The following DGKB variants were observed in gnomAD, a reference collection of about 807,000 sequenced individuals.
The protein encoded by DGKB is 90 kDa diacylglycerol kinase.
In DGKB, 67 loss-of-function variants were observed where a neutral mutation model predicts 114.3. That is an observed-to-expected ratio of 0.59 (90% confidence interval 0.48 to 0.72). The LOEUF (loss-of-function observed/expected upper bound fraction) is 0.72. Ranked by LOEUF, DGKB falls within the 30% of genes least tolerant of loss-of-function variation. DGKB has a pLI of 0.00. For missense variants in DGKB, 907 were observed against 975.2 expected (o/e 0.93, Z 0.93); for synonymous variants, 398 against 323.1 (o/e 1.23, Z -2.49).
intron 20 of DGKB, among the ~76,000 whole-genome samples, chr7:14,478,803 GA>G (rs71004303): frequency 2.6e-4 from 39 of 149,454 alleles, no homozygotes; most frequent in Non-Finnish European, 4.0e-4. Flanking sequence ...TCGTTGAATA[GA>G]AAAAAAAAAC....
At position 14,841,322 on chromosome 7, in the gene DGKB, G is replaced by T; in HGVS notation, c.-59C>A. On this transcript the variant is annotated 5_prime_UTR_variant, in exon 2 of 26. Transcript: ENST00000402815. ...AAAAGATTCTTTATTCAGGTGTTGC[G>T]CAGAGGTCTATGCTTCAAAGATTCC... 2 of 1,469,062 alleles carry T rather than the reference G, an allele frequency of 1.4e-6. No homozygotes were observed. Among genetic ancestry groups the T allele is most frequent in the Non-Finnish European group, 1.9e-6 (2 of 1,058,232 alleles). 91.0% of individuals were successfully genotyped at this position (1,469,062 alleles called of 1,614,324 possible). A position where few individuals can be genotyped will look rare whatever the true frequency, so the allele number is the denominator to read the frequency against.
chr7:14,585,096 T>G (rs1328491834), intron 17 of DGKB, among the ~76,000 whole-genome samples: 1 of 152,184 alleles, frequency 6.6e-6, no homozygotes, highest in Non-Finnish European at 1.5e-5. Context: ...TAAAAATTAC[T>G]AAAACCCATC....
At chr7:14,518,851 GTTAAAATAC>G (rs1162735659) in intron 20 of DGKB, among the ~76,000 whole-genome samples, 15 of 152,110 alleles carry the variant, frequency 9.9e-5, no homozygotes, top group African/African-American at 3.6e-4. Context: ...CCCAGAGCTT[GTTAAAATAC>G]AGATTCTTTG....
chr7:14,315,262 C>G (rs367651571), intron 23 of DGKB, among the ~76,000 whole-genome samples: 56 of 136,568 alleles, frequency 4.1e-4, no homozygotes, highest in South Asian at 1.0e-3. Context: ...ATAATGACAG[C>G]ATCAAATTCA....
chr7:14,808,957 C>G (rs926230269), intron 2 of DGKB, among the ~76,000 whole-genome samples: 1 of 152,034 alleles, frequency 6.6e-6, no homozygotes, highest in African/African-American at 2.4e-5. Context: ...CAGCCATCCT[C>G]CATTATACTT....
chr7:14,874,800 A>T (rs954685886), intron 1 of DGKB, among the ~76,000 whole-genome samples: 10 of 152,144 alleles, frequency 6.6e-5, no homozygotes, highest in Admixed American at 2.0e-4. Flanking sequence ...ATTCCCCCAC[A>T]CAGATTTATT....
intron 23 of DGKB, among the ~76,000 whole-genome samples, chr7:14,229,207 T>G (rs1791315843): frequency 6.6e-6 from 1 of 152,028 alleles, no homozygotes; most frequent in Admixed American, 6.6e-5. Flanking sequence ...TGGTCAGTAT[T>G]ACTCATACAT....
At chr7:14,275,619 A>C (rs1442858281) in intron 23 of DGKB, among the ~76,000 whole-genome samples, 1 of 152,218 alleles carries the variant, frequency 6.6e-6, no homozygotes, top group Non-Finnish European at 1.5e-5. Context: ...TAGAAAGGCC[A>C]TGCTTCCTCT....
chr7:14,882,861 G>A (rs1854451578), intron 1 of DGKB, among the ~76,000 whole-genome samples: 1 of 151,288 alleles, frequency 6.6e-6, no homozygotes, highest in African/African-American at 2.4e-5. Flanking sequence ...TATCTTATCT[G>A]CTTATTTATC....
intron 23 of DGKB, among the ~76,000 whole-genome samples, chr7:14,305,228 A>T (rs1804270813): frequency 6.6e-6 from 1 of 152,094 alleles, no homozygotes; most frequent in Non-Finnish European, 1.5e-5. Context: ...ACTAGAACGT[A>T]TTCCTTCTAA....
chr7:14,165,661 A>C (rs184211236), intron 25 of DGKB, among the ~76,000 whole-genome samples: 1 of 152,216 alleles, frequency 6.6e-6, no homozygotes, highest in South Asian at 2.1e-4. Flanking sequence ...ATTTTCCAAT[A>C]TATATTATGT....
intron 23 of DGKB, among the ~76,000 whole-genome samples, chr7:14,320,131 T>C (rs367748505): frequency 4.6e-5 from 7 of 152,282 alleles, no homozygotes; most frequent in African/African-American, 1.7e-4. Flanking sequence ...CATTTGGTCC[T>C]AAGAGTCATA....
intron 1 of DGKB, among the ~76,000 whole-genome samples, chr7:14,919,303 G>C (rs968412556): frequency 6.6e-6 from 1 of 151,984 alleles, no homozygotes; most frequent in Non-Finnish European, 1.5e-5. Flanking sequence ...AGAGAGCCAA[G>C]AAATACACCC....
chr7:14,301,038 A>G (rs775780162), intron 23 of DGKB, among the ~76,000 whole-genome samples: 1 of 152,122 alleles, frequency 6.6e-6, no homozygotes, highest in Non-Finnish European at 1.5e-5. Context: ...TGGCACACAC[A>G]GCCTGTAATA....
intron 1 of DGKB, among the ~76,000 whole-genome samples, chr7:14,933,400 C>T (rs188713477): frequency 3.6e-3 from 549 of 152,238 alleles, no homozygotes; most frequent in Non-Finnish European, 6.3e-3. Context: ...AAAATTCTCC[C>T]TTTGCCCCCA....
chr7:14,343,157 C>CACACACACA (rs1811888740), intron 22 of DGKB, among the ~76,000 whole-genome samples: 2 of 132,850 alleles, frequency 1.5e-5, no homozygotes, highest in African/African-American at 5.8e-5. Context: ...GCCTAGCTAT[C>CACACACACA]CACACACACA....
intron 21 of DGKB, among the ~76,000 whole-genome samples, chr7:14,394,092 G>A (rs1821861984): frequency 1.3e-5 from 2 of 152,196 alleles, no homozygotes; most frequent in South Asian, 2.1e-4. Context: ...AATCAGTGAT[G>A]GAAAAGATCA....
At chr7:14,310,503 G>A (rs1338818343) in intron 23 of DGKB, among the ~76,000 whole-genome samples, 1 of 152,086 alleles carries the variant, frequency 6.6e-6, no homozygotes, top group Non-Finnish European at 1.5e-5. Context: ...CAAGACAGAT[G>A]GACAGCTACC....
At chr7:14,687,787 A>G (rs1385650671) in intron 9 of DGKB, among the ~76,000 whole-genome samples, 1 of 152,196 alleles carries the variant, frequency 6.6e-6, no homozygotes, top group Non-Finnish European at 1.5e-5. Context: ...TTACATGTGA[A>G]TAAGCTTCAT....
Sources: allele counts gnomAD v4.1 joint callset (sites outside exome capture counted in the v4.1 genomes callset), GRCh38; gene constraint gnomAD v4.1.1; transcripts MANE v1.5; gene names NCBI Gene and HGNC (gene_info 2026-07-23, HGNC 2026-07-21).